The following TLN2 variants were observed in gnomAD, a reference collection of about 807,000 sequenced individuals.
TLN2 encodes the protein talin 2.
In TLN2, 118 loss-of-function variants were observed where a neutral mutation model predicts 294.7. That is an observed-to-expected ratio of 0.40 (90% CI 0.34 to 0.47). The LOEUF (loss-of-function observed/expected upper bound fraction) is 0.47, where lower values mean the gene tolerates loss of function less well. Among genes scored for constraint, TLN2 ranks in the 20% least tolerant of loss-of-function variants. The probability of loss-of-function intolerance (pLI) is 0.84; values close to 1 mark genes in which losing one functional copy is unlikely to be tolerated. For synonymous variants in TLN2, 1,431 were observed against 1,304.5 expected, an observed-to-expected ratio of 1.10 and a Z score of -2.09; for missense variants, 3,083 against 3,282.2, an observed-to-expected ratio of 0.94 and a Z score of 1.48.
At chr15:62,770,263 A>G (rs889969448) in intron 41 of TLN2, among the ~76,000 whole-genome samples, 5 of 152,228 alleles carry the variant, frequency 3.3e-5, no homozygotes, top group African/African-American at 1.2e-4. Context: ...AGCCTGGCAT[A>G]GGGGGTGCGC....
chr15:62,609,171 G>A (rs946187090), intron 2 of TLN2, among the ~76,000 whole-genome samples: 1 of 152,068 alleles, frequency 6.6e-6, no homozygotes, highest in Non-Finnish European at 1.5e-5. Context: ...TACTTTAAAA[G>A]GTTTTGAAAC....
chr15:62,502,474 G>T (rs150502775), intron 1 of TLN2, among the ~76,000 whole-genome samples: 1 of 151,418 alleles, frequency 6.6e-6, no homozygotes, highest in East Asian at 2.0e-4. Flanking sequence ...GCTGCCTGGT[G>T]CCTGACCTGG....
intron 54 of TLN2, among the ~76,000 whole-genome samples, chr15:62,823,268 T>C (rs888202812): frequency 3.3e-5 from 5 of 152,314 alleles, no homozygotes; most frequent in African/African-American, 1.2e-4. Flanking sequence ...CAAACCATAG[T>C]TTTTGTGCCT....
At chr15:62,454,702 G>A (rs141701541) in intron 1 of TLN2, among the ~76,000 whole-genome samples, 2 of 152,170 alleles carry the variant, frequency 1.3e-5, no homozygotes, top group African/African-American at 4.8e-5. Context: ...AAGAGCATGG[G>A]CAAGAGGGAG....
At chr15:62,722,882 A>C (rs935293657) in intron 26 of TLN2, among the ~76,000 whole-genome samples, 6 of 152,234 alleles carry the variant, frequency 3.9e-5, no homozygotes, top group Admixed American at 2.6e-4. Flanking sequence ...TTGTGAACTT[A>C]ATAACAAATT....
rs1052466670 is a variant in TLN2 at position 62,844,347 on chromosome 15, A to AT, written c.*3740dup. 4 of 152,098 alleles carry AT rather than the reference A, an allele frequency of 2.6e-5. No individual in the cohort carries two copies. The highest frequency in any genetic ancestry group is 2.0e-4 in the Admixed American group (3 of 15,274). 9.4% of individuals were successfully genotyped at this position (152,098 alleles called of 1,614,324 possible). A position where few individuals can be genotyped will look rare whatever the true frequency, so the allele number is the denominator to read the frequency against. On this transcript the variant is annotated 3_prime_UTR_variant, in exon 59 of 59. Transcript: ENST00000636159. ...CTTTTAAATGCTACAAACAAGAGCTATTTCTTTTCAATAAAAAAGGTTTGG... is the reference window on the plus strand; with the variant it reads ...CTTTTAAATGCTACAAACAAGAGCTATTTTCTTTTCAATAAAAAAGGTTTGG...
At chr15:62,598,885 C>G (rs939751506) in intron 2 of TLN2, among the ~76,000 whole-genome samples, 1 of 152,050 alleles carries the variant, frequency 6.6e-6, no homozygotes, top group Non-Finnish European at 1.5e-5. Flanking sequence ...CGATGGGACC[C>G]GTGCACAGTG....
intron 1 of TLN2, among the ~76,000 whole-genome samples, chr15:62,553,470 G>A (rs2042436692): frequency 6.6e-6 from 1 of 152,142 alleles, no homozygotes; most frequent in Admixed American, 6.5e-5. Context: ...GGGCGACAGA[G>A]CGAGACTCCG....
chr15:62,780,154 T>G (rs1016099243), intron 43 of TLN2, among the ~76,000 whole-genome samples: 1 of 152,212 alleles, frequency 6.6e-6, no homozygotes, highest in African/African-American at 2.4e-5. Context: ...CCTGTTCAGG[T>G]CAGGATGACC....
intron 1 of TLN2, among the ~76,000 whole-genome samples, chr15:62,478,486 C>T (rs891435842): frequency 2.0e-5 from 3 of 152,064 alleles, no homozygotes; most frequent in Admixed American, 1.3e-4. Flanking sequence ...TGGGGGCAGT[C>T]GTGAACAGGG....
intron 1 of TLN2, among the ~76,000 whole-genome samples, chr15:62,579,348 A>G (rs112806252): frequency 1.1e-4 from 16 of 152,202 alleles, no homozygotes; most frequent in Admixed American, 2.0e-4. Context: ...GAGGGTTACA[A>G]TAACTGCTAA....
intron 1 of TLN2, among the ~76,000 whole-genome samples, chr15:62,577,706 T>A (rs975385539): frequency 3.3e-5 from 5 of 152,298 alleles, no homozygotes; most frequent in African/African-American, 7.2e-5. Context: ...AATTTTTTTT[T>A]AATATACTTT....
intron 3 of TLN2, among the ~76,000 whole-genome samples, chr15:62,629,370 C>T (rs2049575716): frequency 6.6e-6 from 1 of 152,162 alleles, no homozygotes; most frequent in Admixed American, 6.5e-5. Flanking sequence ...GATAGTGCTT[C>T]CATGTCAGCC....
At chr15:62,836,128 A>C in intron 57 of TLN2, 55 bp downstream of exon 57, 1 of 1,544,420 alleles carries the variant, frequency 6.5e-7, no homozygotes, top group African/African-American at 1.4e-5. Context: ...GGTAAGTGTC[A>C]CCAGAGGGGA....
At chr15:62,765,310 T>C (rs1350514611) in intron 40 of TLN2, among the ~76,000 whole-genome samples, 1 of 151,974 alleles carries the variant, frequency 6.6e-6, no homozygotes, top group African/African-American at 2.4e-5. Context: ...TCTGTTTCCC[T>C]TTTTCCTTTT....
rs1337370834 is a variant in TLN2 at position 62,843,612 on chromosome 15, G to A, written c.*3002G>A. 6.6e-6 allele frequency: 1 copy of A among 152,258 alleles called. No homozygotes were observed. The highest frequency in any genetic ancestry group is 2.4e-5 in the African/African-American group (1 of 41,454). The allele number at this position is 152,258 out of a possible 1,614,324, so 9.4% of individuals were successfully genotyped here. A position where few individuals can be genotyped will look rare whatever the true frequency, so the allele number is the denominator to read the frequency against. ...ATGCTTTTATCAGGGAAAACCCTTC[G>A]AGCTTCTTCTGATTCTCACCTGCTT... is the stretch of plus-strand genomic sequence containing the variant. On this transcript the variant is annotated 3_prime_UTR_variant, in exon 59 of 59. Transcript: ENST00000636159.
At chr15:62,625,910 A>G (rs36023508) in intron 3 of TLN2, among the ~76,000 whole-genome samples, 2,331 of 152,210 alleles carry the variant, frequency 0.015, 32 homozygotes, top group Middle Eastern at 0.037. Flanking sequence ...TGAGTGTGCA[A>G]TAGAGGGGGA....
At position 62,788,555 on chromosome 15, in the gene TLN2, T is replaced by C. The variant is rs925251316; in HGVS notation, c.5737-4086T>C. Among the ~76,000 whole-genome samples the C allele has an allele frequency of 9.2e-5, 14 of 152,302 alleles. 1 individual carries two copies. The highest frequency in any genetic ancestry group is 7.2e-4 in the Admixed American group (11 of 15,296). On this transcript the variant is annotated intron_variant, in intron 45 of 58. Transcript: ENST00000636159. ...AACTGCAGTGAGATAACAATCTTTT[T>C]TTCTTCCCCATTTCACAGATAAGTA...
intron 1 of TLN2, among the ~76,000 whole-genome samples, chr15:62,481,453 CTT>C (rs2038085265): frequency 6.6e-6 from 1 of 152,220 alleles, no homozygotes. Context: ...GTCGCGAACT[CTT>C]AGGCACAAAC....
Sources: gnomAD v4.1 joint callset for allele counts (sites outside exome capture counted in the v4.1 genomes callset) on GRCh38, gnomAD v4.1.1 for gene constraint, MANE v1.5 for transcripts, NCBI Gene and HGNC (gene_info 2026-07-23, HGNC 2026-07-21) for gene names.